UGT1A6: variants seen among roughly 807,000 people sequenced by gnomAD.
The protein encoded by UGT1A6 is UDP glucuronosyltransferase family 1 member A6, also known as UDP-glucuronosyltransferase 1A6.
Under a neutral mutation model 44.4 loss-of-function variants are expected in UGT1A6, and 32 were observed. The observed-to-expected ratio is 0.72, with a 90% CI of 0.54 to 0.97. UGT1A6 has a LOEUF of 0.97. Ranked by LOEUF, UGT1A6 falls within the 50% of genes least tolerant of loss-of-function variation. UGT1A6 has a pLI of 0.00. For missense variants in UGT1A6, 685 were observed against 661.9 expected (o/e 1.03, Z -0.38); for synonymous variants, 238 against 248.5 (o/e 0.96, Z 0.40).
chr2:233,747,336 G>C, intron 1 of UGT1A6: 1 of 1,603,642 alleles, frequency 6.2e-7, no homozygotes, highest in South Asian at 1.1e-5. Context: ...GCAGCCACTG[G>C]CTCGCATGCG....
intron 1 of UGT1A6, among the ~76,000 whole-genome samples, chr2:233,756,978 C>T (rs1696373948): frequency 1.3e-5 from 2 of 151,968 alleles, no homozygotes; most frequent in Admixed American, 1.3e-4. Context: ...ACGCAATGAA[C>T]AGTCATAGTA....
intron 1 of UGT1A6, among the ~76,000 whole-genome samples, chr2:233,717,094 ACTAT>A (rs2076547098): frequency 6.6e-6 from 1 of 152,186 alleles, no homozygotes; most frequent in Admixed American, 6.5e-5. Flanking sequence ...AGATGACATC[ACTAT>A]CTAAATAAAA....
At chr2:233,761,798 T>C (rs573844066) in intron 1 of UGT1A6, among the ~76,000 whole-genome samples, 7 of 152,144 alleles carry the variant, frequency 4.6e-5, no homozygotes, top group Non-Finnish European at 1.0e-4. Context: ...CAGCAGAGGA[T>C]AGAAAAGAAC....
At chr2:233,712,103 C>G (rs1277472248) in intron 1 of UGT1A6, among the ~76,000 whole-genome samples, 2 of 152,212 alleles carry the variant, frequency 1.3e-5, no homozygotes, top group Admixed American at 1.3e-4. Flanking sequence ...ACACTTCAGT[C>G]TCTAAGCAGA....
intron 1 of UGT1A6, among the ~76,000 whole-genome samples, chr2:233,757,986 C>T (rs2125961594): frequency 6.6e-6 from 1 of 152,224 alleles, no homozygotes; most frequent in South Asian, 2.1e-4. Context: ...GAGCACCATC[C>T]CCTGTAATTG....
intron 1 of UGT1A6, among the ~76,000 whole-genome samples, chr2:233,728,111 A>G (rs1242261758): frequency 6.6e-6 from 1 of 152,146 alleles, no homozygotes; most frequent in Non-Finnish European, 1.5e-5. Context: ...TTAATTCTCC[A>G]TCTTGAAATT....
chr2:233,693,756 CTGTT>C lies in UGT1A6; in HGVS notation c.755_758del (p.Val252GlyfsTer3), dbSNP rs1404179163. On this transcript the variant is annotated frameshift_variant, in exon 1 of 5. Coordinates refer to ENST00000305139, the MANE Select transcript of UGT1A6 (RefSeq NM_001072.4). LOFTEE classifies it high-confidence loss of function. ...ATAATCACCTTATATCAGAAGGTCT[CTGTT>C]TGGCTGTTAAGATATGACTTTGTGC... is the stretch of plus-strand genomic sequence containing the variant. 6.2e-7 allele frequency: 1 copy of C among 1,614,130 alleles called. No homozygotes were observed. The highest frequency in any genetic ancestry group is 1.7e-5 in the Admixed American group (1 of 60,014).
intron 1 of UGT1A6, chr2:233,760,621 A>G: frequency 1.9e-6 from 3 of 1,614,194 alleles, no homozygotes; most frequent in Non-Finnish European, 2.5e-6. Context: ...TGTGATCAAA[A>G]CATACAAGAA....
At chr2:233,743,546 C>A (rs1478983840) in intron 1 of UGT1A6, 1 of 1,367,310 alleles carries the variant, frequency 7.3e-7, no homozygotes, top group African/African-American at 1.5e-5. Context: ...CTCTGACCCC[C>A]CCAAAATATT....
chr2:233,700,726 TTTA>T lies in UGT1A6; in HGVS notation c.861+6872_861+6874del, dbSNP rs904006710. ...AATGTTTTTTTCTTTTTTTAAAAAT[TTTA>T]TTATTATTATACTTTAAGTTTTAGG... On this transcript the variant is annotated intron_variant, in intron 1 of 4. Coordinates refer to ENST00000305139, the MANE Select transcript of UGT1A6 (RefSeq NM_001072.4). Among the ~76,000 whole-genome samples the T allele has an allele frequency of 5.9e-5, 9 of 152,186 alleles. No individual in the cohort carries two copies. In the South Asian group the frequency reaches 6.2e-4, roughly 11 times the overall value.
intron 1 of UGT1A6, among the ~76,000 whole-genome samples, chr2:233,724,739 C>T (rs1254831303): frequency 5.5e-5 from 8 of 144,282 alleles, no homozygotes; most frequent in African/African-American, 1.6e-4. Flanking sequence ...AGAGGGGCTC[C>T]TCACATCCCA....
intron 1 of UGT1A6, among the ~76,000 whole-genome samples, chr2:233,726,718 C>T (rs2077554623): frequency 1.3e-5 from 2 of 152,316 alleles, no homozygotes; most frequent in African/African-American, 2.4e-5. Flanking sequence ...TGAGGAAGTA[C>T]AATGTAGATA....
intron 1 of UGT1A6, chr2:233,742,993 T>G: frequency 4.3e-6 from 1 of 231,186 alleles, no homozygotes; most frequent in Admixed American, 5.2e-5. Flanking sequence ...AATAGCAAAT[T>G]GCATACAGAT....
At chr2:233,722,752 T>C (rs982640918) in intron 1 of UGT1A6, among the ~76,000 whole-genome samples, 1 of 152,282 alleles carries the variant, frequency 6.6e-6, no homozygotes, top group Admixed American at 6.5e-5. Flanking sequence ...TGACTGTCTA[T>C]AAGGCTGTTA....
intron 3 of UGT1A6, 91 bp from the exon 4 acceptor site, chr2:233,768,129 T>C: frequency 1.2e-6 from 2 of 1,606,026 alleles, no homozygotes; most frequent in East Asian, 4.5e-5. Context: ...TGAGTAACAC[T>C]GAGTCTTTGG....
chr2:233,719,465 C>T, intron 1 of UGT1A6: 3 of 1,613,994 alleles, frequency 1.9e-6, no homozygotes, highest in Non-Finnish European at 2.5e-6. Flanking sequence ...AGAACATGCT[C>T]TACCCTCTGG....
At chr2:233,722,046 G>GT (rs1419489243) in intron 1 of UGT1A6, 1 of 233,802 alleles carries the variant, frequency 4.3e-6, no homozygotes, top group East Asian at 1.2e-4. Flanking sequence ...ATTTTGTGGT[G>GT]TTTCTGGGTC....
At chr2:233,705,744 G>A (rs1015744026) in intron 1 of UGT1A6, among the ~76,000 whole-genome samples, 2 of 152,208 alleles carry the variant, frequency 1.3e-5, no homozygotes, top group East Asian at 1.9e-4. Flanking sequence ...CAGGTAGGTC[G>A]GTAACAGATC....
chr2:233,727,005 A>C (rs937597843), intron 1 of UGT1A6, among the ~76,000 whole-genome samples: 3 of 152,154 alleles, frequency 2.0e-5, no homozygotes, highest in African/African-American at 4.8e-5. Context: ...GCAAAGTTTT[A>C]TCATTTGTTG....
Sources: gnomAD v4.1 joint callset for allele counts (sites outside exome capture counted in the v4.1 genomes callset) on GRCh38, gnomAD v4.1.1 for gene constraint, MANE v1.5 for transcripts, NCBI Gene and HGNC (gene_info 2026-07-23, HGNC 2026-07-21) for gene names.